The following RFX6 variants were observed in gnomAD, a reference collection of about 807,000 sequenced individuals.
The protein encoded by RFX6 is regulatory factor X6.
Under a neutral mutation model 110.8 loss-of-function variants are expected in RFX6, and 50 were observed. That is an observed-to-expected ratio of 0.45 (90% CI 0.36 to 0.57). RFX6 has a LOEUF of 0.57. Among genes scored for constraint, RFX6 ranks in the 20% least tolerant of loss-of-function variants. The pLI is 0.00. For synonymous variants in RFX6, 383 were observed against 411.2 expected (o/e 0.93, Z 0.83); for missense variants, 990 against 1,127.0 (o/e 0.88, Z 1.74).
At chr6:116,900,904 C>T (rs339298) in intron 6 of RFX6, among the ~76,000 whole-genome samples, 123,461 of 152,090 alleles carry the variant, frequency 0.81, 50,332 homozygotes, top group East Asian at 0.89. Flanking sequence ...TGGGTATTTA[C>T]AAATTATATA....
At chr6:116,916,173 C>T (rs1468531948) in intron 8 of RFX6, 28 bp from the exon 9 acceptor site, 1 of 1,579,674 alleles carries the variant, frequency 6.3e-7, no homozygotes, top group Non-Finnish European at 8.7e-7. Flanking sequence ...AGAAAAAAAT[C>T]TTAACATACT....
At chr6:116,924,279 G>A (rs533292496) in intron 14 of RFX6, among the ~76,000 whole-genome samples, 2 of 152,176 alleles carry the variant, frequency 1.3e-5, no homozygotes, top group Admixed American at 1.3e-4. Flanking sequence ...TAATTATTTA[G>A]TACAAAGTAA....
chr6:116,920,472 G>A lies in RFX6; in HGVS notation c.1327+18G>A, dbSNP rs1775570300. 6.2e-7 allele frequency: 1 copy of A among 1,609,324 alleles called. No individual in the cohort carries two copies. The highest frequency in any genetic ancestry group is 1.1e-5 in the South Asian group (1 of 91,018). On this transcript the variant is annotated intron_variant, in intron 12 of 18. Coordinates refer to ENST00000332958, the MANE Select transcript of RFX6 (RefSeq NM_173560.4). The stretch of plus-strand genomic sequence containing the variant: ...CACTGAACGTAAGTCCATTCTCTTT[G>A]TTTAGAACAAGGTTTTCTAAGCTCA...
chr6:116,920,410 C>A lies in RFX6; in HGVS notation c.1283C>A (p.Thr428Asn), dbSNP rs200248374. 31 of 1,613,200 alleles carry A rather than the reference C, an allele frequency of 1.9e-5. No homozygotes were observed. The East Asian group carries it at 6.7e-4, about 35-fold the overall frequency. The stretch of plus-strand genomic sequence containing the variant: ...AGCATTGGCTCTCAAGCCCTTCTTA[C>A]CATTTCAGGCAGCACAGACACTGAA... ...LNSIGSQALL[T>N]ISGSTDTESG... The change falls in exon 12 of 19, where the codon ACC becomes AAC. Residue 428 changes from threonine (T) to asparagine (N), a missense_variant. By Grantham distance (65) the Thr-to-Asn change is moderately conservative. Transcript: ENST00000332958.
Position 116,927,104 on chromosome 6 carries a change from G to A in RFX6, c.1963G>A (p.Val655Ile). ...TCCAGCCATGGCAAGCCGAGGAAGTGTCATTAACCAAGGACCAATGGCAGG... is the reference window on the plus strand; with the variant it reads ...TCCAGCCATGGCAAGCCGAGGAAGTATCATTAACCAAGGACCAATGGCAGG... ...ISPAMASRGSVINQGPMAGRP... is the reference protein window; with the variant it reads ...ISPAMASRGSIINQGPMAGRP... Residue 655 changes from valine to isoleucine, a missense_variant, in exon 17 of 19, where the codon GTC (valine) becomes ATC (isoleucine). Val to Ile is a conservative substitution (Grantham distance 29). This residue lies in a region of RFX6 where 438 missense variants were observed against 441.9 expected (regional missense o/e 0.99). Coordinates refer to ENST00000332958, the MANE Select transcript of RFX6 (RefSeq NM_173560.4). 1 of 1,614,110 alleles carries A rather than the reference G, an allele frequency of 6.2e-7. No individual in the cohort carries two copies. The highest frequency in any genetic ancestry group is 1.7e-5 in the Admixed American group (1 of 60,024).
rs548102009 is a variant in RFX6 at position 116,889,343 on chromosome 6, T to G, written c.567-4644T>G. ...GTATGAGGATTTTTCTTCGTACTAA[T>G]TTTTAATGAGGAATACAGTGAAGGG... On this transcript the variant is annotated intron_variant, in intron 4 of 18. Coordinates refer to ENST00000332958, the MANE Select transcript of RFX6 (RefSeq NM_173560.4). Among the ~76,000 whole-genome samples, 59 of 152,284 alleles carry G rather than the reference T, an allele frequency of 3.9e-4. No homozygotes were observed. In the East Asian group the frequency reaches 0.011, roughly 27 times the overall value.
intron 4 of RFX6, among the ~76,000 whole-genome samples, chr6:116,888,440 T>G (rs565481466): frequency 6.6e-6 from 1 of 152,292 alleles, no homozygotes; most frequent in African/African-American, 2.4e-5. Flanking sequence ...TGACATAAGA[T>G]TGAGGAAAGT....
chr6:116,905,156 A>C (rs1775169698), intron 6 of RFX6, among the ~76,000 whole-genome samples: 1 of 152,164 alleles, frequency 6.6e-6, no homozygotes, highest in African/African-American at 2.4e-5. Flanking sequence ...CAAGGATTCC[A>C]ATTTTTTCAC....
intron 4 of RFX6, among the ~76,000 whole-genome samples, chr6:116,885,422 TAC>T (rs150778763): frequency 2.0e-5 from 3 of 151,744 alleles, no homozygotes; most frequent in Non-Finnish European, 4.4e-5. Flanking sequence ...TACTGAGTAT[TAC>T]ACACACACAC....
chr6:116,917,335 CTTG>C (rs1356847391), intron 9 of RFX6, among the ~76,000 whole-genome samples: 2 of 120,292 alleles, frequency 1.7e-5, no homozygotes, highest in Non-Finnish European at 1.7e-5. Context: ...TAAGGATTGT[CTTG>C]TTTTTTTTTT....
At chr6:116,906,027 T>C (rs971097288) in intron 6 of RFX6, among the ~76,000 whole-genome samples, 5 of 152,184 alleles carry the variant, frequency 3.3e-5, no homozygotes, top group African/African-American at 7.2e-5. Context: ...AATTTTTGTA[T>C]ATGATGTATG....
intron 1 of RFX6, 31 bp downstream of exon 1, chr6:116,877,529 A>AG: frequency 6.6e-7 from 1 of 1,505,228 alleles, no homozygotes; most frequent in Non-Finnish European, 9.0e-7. Flanking sequence ...GGAGCTGGGA[A>AG]GGGGACGGGG....
At position 116,928,884 on chromosome 6, in the gene RFX6, A is replaced by T; in HGVS notation, c.2524A>T (p.Asn842Tyr). The change falls in exon 18 of 19, where the codon AAC becomes TAC. Residue 842 changes from asparagine (N) to tyrosine (Y), a missense_variant. Around this residue, in one of 5 missense-constraint regions of RFX6, gnomAD observed 438 missense variants for 441.9 expected, o/e 0.99. Transcript: ENST00000332958. ...CTACAGTGACATCCACGATCCACTT[A>T]ACATTTTAGATGACAGTGGTAGAAA... ...PPYSDIHDPL[N>Y]ILDDSGRKQT... 1 of 1,613,656 alleles carries T rather than the reference A, an allele frequency of 6.2e-7. No individual in the cohort carries two copies. Among genetic ancestry groups the T allele is most frequent in the Non-Finnish European group, 8.5e-7 (1 of 1,179,524 alleles).
intron 6 of RFX6, among the ~76,000 whole-genome samples, chr6:116,909,976 G>A (rs1775315930): frequency 6.6e-6 from 1 of 151,768 alleles, no homozygotes; most frequent in African/African-American, 2.4e-5. Context: ...AACCCAACCT[G>A]TCTATGACAG....
rs556562249 is a variant in RFX6, at chr6:116,932,161, A to G, written c.*655A>G. Reference sequence around the variant, plus strand: ...GGAATAAAAGAAATAATGTATGGAAATATTTTTAAAGGCTTGGTGCTCTTG... The same window carrying G: ...GGAATAAAAGAAATAATGTATGGAAGTATTTTTAAAGGCTTGGTGCTCTTG... On this transcript the variant is annotated 3_prime_UTR_variant, in exon 19 of 19. Transcript: ENST00000332958. 1 of 152,726 alleles carries G rather than the reference A, an allele frequency of 6.5e-6. No homozygotes were observed. Among genetic ancestry groups the G allele is most frequent in the Admixed American group, 6.5e-5 (1 of 15,296 alleles). The allele number at this position is 152,726 out of a possible 1,614,324, so 9.5% of individuals were successfully genotyped here.
At chr6:116,909,654 A>G (rs1040169244) in intron 6 of RFX6, among the ~76,000 whole-genome samples, 42 of 150,338 alleles carry the variant, frequency 2.8e-4, no homozygotes, top group Non-Finnish European at 5.2e-4. Context: ...TATACTTGAA[A>G]AGAGATTAAT....
intron 6 of RFX6, 95 bp from the exon 7 acceptor site, chr6:116,910,840 G>T: frequency 2.2e-6 from 2 of 898,428 alleles, no homozygotes; most frequent in Non-Finnish European, 3.7e-6. Flanking sequence ...GGATGAAGAA[G>T]AATGAAATTT....
chr6:116,897,376 C>T (rs989537482), intron 6 of RFX6, among the ~76,000 whole-genome samples: 2 of 152,074 alleles, frequency 1.3e-5, no homozygotes, highest in African/African-American at 4.8e-5. Flanking sequence ...GTCGTGACAA[C>T]CAAAAACGTC....
chr6:116,915,277 C>CT (rs201647670), intron 7 of RFX6, among the ~76,000 whole-genome samples: 1 of 151,946 alleles, frequency 6.6e-6, no homozygotes, highest in East Asian at 1.9e-4. Context: ...ATGTTTGAAA[C>CT]TTTTTTTTGG....
Sources: gnomAD v4.1 joint callset for allele counts (sites outside exome capture counted in the v4.1 genomes callset) on GRCh38, gnomAD v4.1.1 for gene constraint, gnomAD v4.1.1 regional missense constraint, MANE v1.5 for transcripts, NCBI Gene and HGNC (gene_info 2026-07-23, HGNC 2026-07-21) for gene names.